THSD7B: variants seen among roughly 807,000 people sequenced by gnomAD.
THSD7B encodes thrombospondin type-1 domain-containing protein 7B.
A neutral mutation model predicts 213.6 loss-of-function variants in THSD7B; 138 were observed. The ratio of observed to expected loss-of-function variants is 0.65; its 90% confidence interval spans 0.56 to 0.74. THSD7B has a LOEUF of 0.74. Ranked by LOEUF, THSD7B falls within the 30% of genes least tolerant of loss-of-function variation. The pLI is 0.00. For synonymous variants in THSD7B, 742 were observed against 687.0 expected, an observed-to-expected ratio of 1.08 and a Z score of -1.25; for missense variants, 1,931 against 1,991.5, an observed-to-expected ratio of 0.97 and a Z score of 0.58.
intron 15 of THSD7B, among the ~76,000 whole-genome samples, chr2:137,503,541 GAGA>G (rs1164366014): frequency 1.3e-5 from 2 of 152,244 alleles, no homozygotes; most frequent in East Asian, 3.9e-4. Flanking sequence ...CCTTTTTCAT[GAGA>G]AGAATATCAA....
chr2:136,788,682 TGTGCCTTA>T (rs767360005), intron 1 of THSD7B, among the ~76,000 whole-genome samples: 6 of 152,288 alleles, frequency 3.9e-5, no homozygotes, highest in Admixed American at 2.6e-4. Context: ...TGCTGAAGTG[TGTGCCTTA>T]ATTACAAACC....
chr2:136,779,204 G>A (rs1053763187), intron 1 of THSD7B, among the ~76,000 whole-genome samples: 2 of 97,754 alleles, frequency 2.0e-5, no homozygotes, highest in South Asian at 3.5e-4. Context: ...ATATATGTGT[G>A]TGTGTGTGTG....
chr2:137,429,678 A>G (rs1173895375), intron 14 of THSD7B, among the ~76,000 whole-genome samples: 2 of 152,196 alleles, frequency 1.3e-5, no homozygotes, highest in Non-Finnish European at 2.9e-5. Context: ...AGAATAGAGG[A>G]ATATTTAATC....
chr2:136,879,453 G>A (rs2104988997), intron 1 of THSD7B, among the ~76,000 whole-genome samples: 1 of 152,314 alleles, frequency 6.6e-6, no homozygotes, highest in South Asian at 2.1e-4. Context: ...AGTCTGTGAA[G>A]AAAGTCATTG....
At chr2:137,052,616 C>A (rs1301210815) in intron 2 of THSD7B, among the ~76,000 whole-genome samples, 2 of 152,004 alleles carry the variant, frequency 1.3e-5, no homozygotes, top group Non-Finnish European at 2.9e-5. Flanking sequence ...CTTCTTTCTT[C>A]ATGCAACTGC....
intron 7 of THSD7B, among the ~76,000 whole-genome samples, chr2:137,179,272 A>T (rs1227360284): frequency 6.6e-6 from 1 of 152,160 alleles, no homozygotes; most frequent in African/African-American, 2.4e-5. Context: ...CTGTAATGCG[A>T]ATAACAGGGA....
At chr2:137,360,126 A>C (rs899550432) in intron 12 of THSD7B, among the ~76,000 whole-genome samples, 2 of 152,212 alleles carry the variant, frequency 1.3e-5, no homozygotes, top group Non-Finnish European at 2.9e-5. Context: ...TGAATGTAAC[A>C]GGGTCCTCGG....
intron 15 of THSD7B, among the ~76,000 whole-genome samples, chr2:137,462,595 T>C (rs1390596870): frequency 1.3e-5 from 2 of 151,992 alleles, no homozygotes; most frequent in Non-Finnish European, 1.5e-5. Flanking sequence ...AACTTGAGCC[T>C]CTCCTTTGTT....
chr2:137,338,428 A>G (rs1357586028), intron 12 of THSD7B, among the ~76,000 whole-genome samples: 1 of 151,984 alleles, frequency 6.6e-6, no homozygotes, highest in Non-Finnish European at 1.5e-5. Context: ...TCTGACTTTC[A>G]TTGAGGAATT....
intron 12 of THSD7B, among the ~76,000 whole-genome samples, chr2:137,337,034 GAAT>G (rs1386633932): frequency 6.0e-5 from 9 of 151,196 alleles, no homozygotes; most frequent in African/African-American, 9.7e-5. Flanking sequence ...TCTTATGTGA[GAAT>G]AATAATACCT....
intron 12 of THSD7B, among the ~76,000 whole-genome samples, chr2:137,366,189 A>G (rs923145008): frequency 3.3e-4 from 50 of 152,232 alleles, no homozygotes; most frequent in African/African-American, 1.1e-3. Flanking sequence ...GGAATTGAAC[A>G]ATGAGAATAC....
intron 2 of THSD7B, among the ~76,000 whole-genome samples, chr2:137,031,831 CTTT>C (rs542117596): frequency 1.1e-4 from 15 of 137,114 alleles, no homozygotes; most frequent in East Asian, 2.1e-4. Flanking sequence ...CTTTTCTTTC[CTTT>C]TTTTTTTTTT....
intron 27 of THSD7B, among the ~76,000 whole-genome samples, chr2:137,670,283 G>C (rs954655853): frequency 6.6e-6 from 1 of 152,020 alleles, no homozygotes; most frequent in Non-Finnish European, 1.5e-5. Flanking sequence ...ACTCATAGAT[G>C]AGCTCTGGCT....
chr2:137,556,129 T>G (rs1680959869), intron 15 of THSD7B, among the ~76,000 whole-genome samples: 1 of 152,140 alleles, frequency 6.6e-6, no homozygotes, highest in Non-Finnish European at 1.5e-5. Flanking sequence ...CAGGATATTA[T>G]CCAGGAGAAC....
At chr2:137,359,513 A>G (rs2104932453) in intron 12 of THSD7B, among the ~76,000 whole-genome samples, 1 of 152,244 alleles carries the variant, frequency 6.6e-6, no homozygotes, top group Non-Finnish European at 1.5e-5. Context: ...CAAGAGGGGT[A>G]TGGGGTGGTT....
At chr2:136,993,832 G>A (rs1005303959) in intron 2 of THSD7B, among the ~76,000 whole-genome samples, 1 of 152,202 alleles carries the variant, frequency 6.6e-6, no homozygotes, top group Non-Finnish European at 1.5e-5. Flanking sequence ...ATGTGTGTCT[G>A]TGTCTGCGTG....
chr2:137,507,940 T>TAAG (rs1337969178), intron 15 of THSD7B, among the ~76,000 whole-genome samples: 2 of 152,238 alleles, frequency 1.3e-5, no homozygotes, highest in Non-Finnish European at 2.9e-5. Context: ...CTGTCTCCTC[T>TAAG]AAGTGGCTGT....
chr2:137,187,791 T>G (rs75040061), intron 7 of THSD7B, among the ~76,000 whole-genome samples: 1,681 of 152,332 alleles, frequency 0.011, 38 homozygotes, highest in African/African-American at 0.038. Context: ...ATATTTCCTT[T>G]GCTGTATATA....
intron 4 of THSD7B, among the ~76,000 whole-genome samples, chr2:137,099,894 C>A (rs939902104): frequency 2.0e-5 from 3 of 152,120 alleles, no homozygotes; most frequent in African/African-American, 7.2e-5. Context: ...TTATTTCATC[C>A]TGCCTTGTTT....
Sources: allele counts gnomAD v4.1 joint callset (sites outside exome capture counted in the v4.1 genomes callset), GRCh38; gene constraint gnomAD v4.1.1; transcripts MANE v1.5; gene names NCBI Gene and HGNC (gene_info 2026-07-23, HGNC 2026-07-21).